WDR27: variants seen among roughly 807,000 people sequenced by gnomAD.
The protein encoded by WDR27 is WD repeat domain 27, also known as WD repeat-containing protein 27.
Under a neutral mutation model 114.4 loss-of-function variants are expected in WDR27, and 100 were observed. The ratio of observed to expected loss-of-function variants is 0.87; its 90% CI spans 0.74 to 1.03. WDR27 has a LOEUF of 1.03. Ranked by LOEUF, WDR27 falls within the 50% of genes least tolerant of loss-of-function variation. WDR27 has a pLI of 0.00. For synonymous variants in WDR27, 449 were observed against 423.1 expected (o/e 1.06, Z -0.75); for missense variants, 1,129 against 1,092.9 (o/e 1.03, Z -0.47).
intron 24 of WDR27, among the ~76,000 whole-genome samples, chr6:169,580,952 TAC>T (rs66460843): frequency 0.54 from 77,728 of 143,382 alleles, 23,002 homozygotes; most frequent in Non-Finnish European, 0.66. Flanking sequence ...TATATATATA[TAC>T]ATATATATAT....
At chr6:169,694,625 C>T (rs1177752666) in intron 1 of WDR27, among the ~76,000 whole-genome samples, 1 of 152,144 alleles carries the variant, frequency 6.6e-6, no homozygotes, top group East Asian at 1.9e-4. Context: ...CAAGCTCAAC[C>T]TAATCCAATG....
chr6:169,678,280 C>T (rs1222518837), intron 2 of WDR27, among the ~76,000 whole-genome samples: 3 of 152,222 alleles, frequency 2.0e-5, no homozygotes, highest in African/African-American at 7.2e-5. Flanking sequence ...GGAGTCCACC[C>T]CTTGTACCAG....
At chr6:169,552,978 G>GTGTC (rs1798368293) in intron 25 of WDR27, among the ~76,000 whole-genome samples, 2 of 71,170 alleles carry the variant, frequency 2.8e-5, no homozygotes, top group Non-Finnish European at 5.4e-5. Context: ...TGCCCGGTGT[G>GTGTC]TGTGTGTGTG....
chr6:169,503,631 G>A (rs1324056111), intron 25 of WDR27, among the ~76,000 whole-genome samples: 1 of 152,220 alleles, frequency 6.6e-6, no homozygotes, highest in East Asian at 1.9e-4. Flanking sequence ...AAACTTAAAT[G>A]TGTTAGCTAC....
chr6:169,544,162 C>G (rs374306589), intron 25 of WDR27, among the ~76,000 whole-genome samples: 28 of 152,126 alleles, frequency 1.8e-4, no homozygotes, highest in African/African-American at 3.6e-4. Context: ...ATTGGATGCT[C>G]TCCCCCTAAG....
chr6:169,470,718 A>G (rs1476044990), intron 25 of WDR27, among the ~76,000 whole-genome samples: 2 of 152,154 alleles, frequency 1.3e-5, no homozygotes, highest in Non-Finnish European at 2.9e-5. Flanking sequence ...TCTCACCTCT[A>G]TGAACTCTTT....
chr6:169,547,070 G>A (rs1006543965), intron 25 of WDR27, among the ~76,000 whole-genome samples: 3 of 152,078 alleles, frequency 2.0e-5, no homozygotes, highest in Non-Finnish European at 2.9e-5. Context: ...CCATAAATAT[G>A]ATAACCTAAA....
At chr6:169,464,354 CT>C (rs1389153461) in intron 25 of WDR27, among the ~76,000 whole-genome samples, 1 of 152,132 alleles carries the variant, frequency 6.6e-6, no homozygotes, top group Non-Finnish European at 1.5e-5. Flanking sequence ...AAGCTGGATC[CT>C]TTCCTTACAG....
intron 25 of WDR27, among the ~76,000 whole-genome samples, chr6:169,568,966 GC>G (rs1319352317): frequency 1.3e-5 from 2 of 152,174 alleles, no homozygotes; most frequent in African/African-American, 2.4e-5. Context: ...GAAGCCGCAT[GC>G]CCCTGGTTTG....
chr6:169,457,998 G>GGAGGAGGAGGAA (rs1397130712), intron 25 of WDR27, among the ~76,000 whole-genome samples: 1 of 151,582 alleles, frequency 6.6e-6, no homozygotes, highest in African/African-American at 2.4e-5. Flanking sequence ...AGGAGGAGGA[G>GGAGGAGGAGGAA]GAGGAGGAGG....
At chr6:169,483,519 T>C (rs939327987) in intron 25 of WDR27, among the ~76,000 whole-genome samples, 2 of 152,130 alleles carry the variant, frequency 1.3e-5, no homozygotes, top group African/African-American at 2.4e-5. Flanking sequence ...TGGTAATAAA[T>C]AGCCAGCCAA....
chr6:169,458,306 G>A (rs1784515920), intron 25 of WDR27, among the ~76,000 whole-genome samples: 1 of 152,156 alleles, frequency 6.6e-6, no homozygotes, highest in Non-Finnish European at 1.5e-5. Flanking sequence ...CCTGTTCTCT[G>A]ATCAGCGATG....
intron 25 of WDR27, among the ~76,000 whole-genome samples, chr6:169,546,456 C>A (rs1227922318): frequency 6.6e-6 from 1 of 152,106 alleles, no homozygotes; most frequent in Admixed American, 6.6e-5. Context: ...TCTTCCTGGG[C>A]CCTCAGGAGC....
chr6:169,587,026 C>A (rs891653051), intron 23 of WDR27, among the ~76,000 whole-genome samples: 2 of 151,490 alleles, frequency 1.3e-5, no homozygotes, highest in East Asian at 3.9e-4. Context: ...AGGACAGCCC[C>A]GATCACAAGC....
chr6:169,624,247 C>G (rs1814197966), intron 21 of WDR27, among the ~76,000 whole-genome samples: 1 of 149,276 alleles, frequency 6.7e-6, no homozygotes, highest in African/African-American at 2.5e-5. Context: ...CCATGTGGGG[C>G]GTCAGGTGCG....
chr6:169,540,296 T>G (rs1187137957), intron 25 of WDR27, among the ~76,000 whole-genome samples: 4 of 152,248 alleles, frequency 2.6e-5, no homozygotes, highest in Non-Finnish European at 5.9e-5. Context: ...AAAATTATAT[T>G]GACTTCTTTC....
intron 2 of WDR27, among the ~76,000 whole-genome samples, chr6:169,675,036 T>TG: frequency 6.6e-6 from 1 of 152,272 alleles, no homozygotes. Flanking sequence ...ACTTCTTTTG[T>TG]GGTGGAATGT....
chr6:169,590,688 GCA>G (rs1287187880), intron 23 of WDR27, among the ~76,000 whole-genome samples: 1 of 152,184 alleles, frequency 6.6e-6, no homozygotes, highest in Non-Finnish European at 1.5e-5. Flanking sequence ...AATAAATATG[GCA>G]CACACAGTAA....
intron 22 of WDR27, among the ~76,000 whole-genome samples, chr6:169,612,752 T>C (rs992969102): frequency 1.3e-5 from 2 of 151,152 alleles, no homozygotes; most frequent in African/African-American, 4.9e-5. Context: ...AAAATCATGA[T>C]AAAAAGTAGT....
Sources: allele counts gnomAD v4.1 joint callset (sites outside exome capture counted in the v4.1 genomes callset), GRCh38; gene constraint gnomAD v4.1.1; transcripts MANE v1.5; gene names NCBI Gene and HGNC (gene_info 2026-07-23, HGNC 2026-07-21).